Variants in PTPRG observed in about 807,000 individuals in gnomAD.
PTPRG encodes protein tyrosine phosphatase receptor type G, also known as receptor-type tyrosine-protein phosphatase gamma.
PTPRG carries 102 observed loss-of-function variants against 165.3 expected under a neutral mutation model. That is an observed-to-expected ratio of 0.62 (90% CI 0.53 to 0.73). PTPRG has a LOEUF of 0.73. PTPRG is among the 30% of genes least tolerant of loss of function. PTPRG has a pLI of 0.00. For synonymous variants in PTPRG, 675 were observed against 669.5 expected (o/e 1.01, Z -0.13); for missense variants, 1,866 against 1,861.4 (o/e 1.00, Z -0.05).
intron 2 of PTPRG, among the ~76,000 whole-genome samples, chr3:61,832,342 C>T (rs2036322673): frequency 6.6e-6 from 1 of 152,148 alleles, no homozygotes. Flanking sequence ...ATGCTCAAAA[C>T]CCCTTCCCTG....
intron 1 of PTPRG, among the ~76,000 whole-genome samples, chr3:61,748,163 A>G (rs949229745): frequency 3.3e-5 from 5 of 152,166 alleles, no homozygotes. Context: ...TTCTTGTTTC[A>G]TATCTTCTGG....
chr3:61,629,564 G>A lies in PTPRG; in HGVS notation c.85+67192G>A, dbSNP rs114875362. On this transcript the variant is annotated intron_variant, in intron 1 of 29. Coordinates refer to ENST00000474889, the MANE Select transcript of PTPRG (RefSeq NM_002841.4). ...AATTAATTGCTAGCTGTTCATCTGC[G>A]CTGCTGCTTTGTTTTAACATCAAAG... 6.9e-3 allele frequency among the ~76,000 whole-genome samples: 1,048 copies of A among 152,248 alleles called. 8 individuals are homozygous for A. Among genetic ancestry groups the A allele is most frequent in the African/African-American group, 0.024 (997 of 41,546 alleles).
intron 1 of PTPRG, among the ~76,000 whole-genome samples, chr3:61,735,906 A>G (rs1170886819): frequency 8.7e-6 from 1 of 115,246 alleles, no homozygotes; most frequent in Admixed American, 1.1e-4. Context: ...TGTTAAAACA[A>G]TGATTTTTTT....
intron 12 of PTPRG, among the ~76,000 whole-genome samples, chr3:62,218,254 C>G (rs1213674823): frequency 1.3e-5 from 2 of 152,128 alleles, no homozygotes; most frequent in Non-Finnish European, 2.9e-5. Flanking sequence ...GCCCCACACT[C>G]CGATGATTGT....
At chr3:61,622,220 A>G (rs1409362593) in intron 1 of PTPRG, among the ~76,000 whole-genome samples, 1 of 152,176 alleles carries the variant, frequency 6.6e-6, no homozygotes, top group Non-Finnish European at 1.5e-5. Context: ...TAATCAAATA[A>G]CTAATTTTTA....
intron 1 of PTPRG, among the ~76,000 whole-genome samples, chr3:61,647,262 G>A (rs531789090): frequency 3.9e-5 from 6 of 152,194 alleles, no homozygotes; most frequent in Admixed American, 2.6e-4. Flanking sequence ...TCATTTTACC[G>A]TCTTTCACAC....
chr3:62,006,338 T>A (rs1453612404), intron 4 of PTPRG, among the ~76,000 whole-genome samples: 1 of 152,190 alleles, frequency 6.6e-6, no homozygotes, highest in East Asian at 1.9e-4. Context: ...AGAAAGTTGC[T>A]TGCCTTTGCC....
intron 2 of PTPRG, among the ~76,000 whole-genome samples, chr3:61,813,515 C>CAAA (rs552214510): frequency 1.4e-4 from 8 of 57,908 alleles, no homozygotes; most frequent in African/African-American, 5.0e-4. Flanking sequence ...GACTCCGTCT[C>CAAA]AAAAAAAAAA....
rs2036329096 is a variant in PTPRG, at chr3:61,832,566, A to G, written c.190+83584A>G. Among the ~76,000 whole-genome samples, 5 of 152,226 alleles carry G rather than the reference A, an allele frequency of 3.3e-5. No homozygotes were observed. The South Asian group carries it at 1.0e-3, about 32-fold the overall frequency. On this transcript the variant is annotated intron_variant, in intron 2 of 29. Transcript: ENST00000474889. ...CTTCAGGGTATCAGGTCCTTATCTG[A>G]CATTATCTCACCCTCTTCCCCCAGT...
intron 4 of PTPRG, among the ~76,000 whole-genome samples, chr3:62,007,357 C>G (rs2041322188): frequency 6.6e-6 from 1 of 152,214 alleles, no homozygotes; most frequent in African/African-American, 2.4e-5. Context: ...TAATAGTTAA[C>G]AAAGAAAGCC....
chr3:61,819,965 C>G (rs1158576149), intron 2 of PTPRG, among the ~76,000 whole-genome samples: 3 of 151,962 alleles, frequency 2.0e-5, no homozygotes, highest in Non-Finnish European at 4.4e-5. Context: ...ACGGATCATT[C>G]ATATTTTTTA....
chr3:62,102,335 C>T lies in PTPRG; in HGVS notation c.615+24077C>T, dbSNP rs111256430. Among the ~76,000 whole-genome samples, 10 of 152,166 alleles carry T rather than the reference C, an allele frequency of 6.6e-5. 1 individual carries two copies. Among genetic ancestry groups the T allele is most frequent in the East Asian group, 1.9e-4 (1 of 5,160 alleles). Reference sequence around the variant, plus strand: ...TGTTGCCCAGGCTGGAGTGCAGTGGCGCAATCTTGGCTCACTGCAACCTCC... The same window carrying T: ...TGTTGCCCAGGCTGGAGTGCAGTGGTGCAATCTTGGCTCACTGCAACCTCC... On this transcript the variant is annotated intron_variant, in intron 5 of 29. Coordinates refer to ENST00000474889, the MANE Select transcript of PTPRG (RefSeq NM_002841.4).
chr3:61,945,750 A>G (rs576721408), intron 2 of PTPRG, among the ~76,000 whole-genome samples: 1 of 152,254 alleles, frequency 6.6e-6, no homozygotes, highest in East Asian at 1.9e-4. Flanking sequence ...AAGATCAACA[A>G]TGGCTACCAT....
At chr3:61,664,585 T>G (rs1258124202) in intron 1 of PTPRG, among the ~76,000 whole-genome samples, 1 of 152,204 alleles carries the variant, frequency 6.6e-6, no homozygotes, top group Non-Finnish European at 1.5e-5. Context: ...TCCCAGCACT[T>G]TGGGAAGCCA....
At chr3:61,890,997 T>C (rs952170356) in intron 2 of PTPRG, among the ~76,000 whole-genome samples, 1 of 152,198 alleles carries the variant, frequency 6.6e-6, no homozygotes, top group Non-Finnish European at 1.5e-5. Context: ...TAGCAACTTT[T>C]TTTTCCAGAT....
intron 4 of PTPRG, among the ~76,000 whole-genome samples, chr3:62,018,101 A>G (rs532736298): frequency 5.9e-5 from 9 of 152,286 alleles, no homozygotes; most frequent in African/African-American, 2.2e-4. Context: ...TTCATTGAGA[A>G]CCAGGCAATA....
intron 4 of PTPRG, among the ~76,000 whole-genome samples, chr3:62,074,352 CTTTTT>C (rs200189646): frequency 6.4e-5 from 7 of 109,116 alleles, no homozygotes; most frequent in African/African-American, 2.3e-4. Context: ...TCTTTTCTTT[CTTTTT>C]TTTTTTTTTT....
At chr3:62,241,990 C>T (rs1701170201) in intron 14 of PTPRG, among the ~76,000 whole-genome samples, 2 of 152,116 alleles carry the variant, frequency 1.3e-5, no homozygotes, top group Admixed American at 6.5e-5. Flanking sequence ...TGTGTTTTAA[C>T]TTTAATGTTA....
chr3:61,920,720 T>C (rs1352409944), intron 2 of PTPRG, among the ~76,000 whole-genome samples: 1 of 152,226 alleles, frequency 6.6e-6, no homozygotes, highest in Admixed American at 6.5e-5. Flanking sequence ...AGAGCAATTT[T>C]AGGTCCACAG....
Sources: allele counts gnomAD v4.1 joint callset (sites outside exome capture counted in the v4.1 genomes callset), GRCh38; gene constraint gnomAD v4.1.1; transcripts MANE v1.5; gene names NCBI Gene and HGNC (gene_info 2026-07-23, HGNC 2026-07-21).